Variants in DDX10 observed in about 807,000 individuals in gnomAD.
DDX10 encodes the protein DEAD-box helicase 10.
DDX10 carries 74 observed loss-of-function variants against 104.3 expected under a neutral mutation model. That is an observed-to-expected ratio of 0.71 (90% CI 0.59 to 0.86). The LOEUF is 0.86. Among genes scored for constraint, DDX10 ranks in the 40% least tolerant of loss-of-function variants. The pLI is 0.00. For synonymous variants in DDX10, 351 were observed against 353.4 expected (o/e 0.99, Z 0.08); for missense variants, 952 against 1,040.0 (o/e 0.92, Z 1.16).
chr11:108,891,897 A>G (rs2134640610), intron 16 of DDX10, among the ~76,000 whole-genome samples: 1 of 152,202 alleles, frequency 6.6e-6, no homozygotes, highest in East Asian at 1.9e-4. Flanking sequence ...TCCCCCTAAA[A>G]TTAGCAAAGA....
chr11:108,886,781 G>A (rs988779370), intron 16 of DDX10, among the ~76,000 whole-genome samples: 6 of 152,090 alleles, frequency 3.9e-5, no homozygotes, highest in Admixed American at 6.5e-5. Flanking sequence ...TTCTTGTGTC[G>A]TTGTTTTCCA....
chr11:108,721,958 C>T (rs2134475165), intron 12 of DDX10, among the ~76,000 whole-genome samples: 1 of 152,274 alleles, frequency 6.6e-6, no homozygotes, highest in African/African-American at 2.4e-5. Context: ...ATGGTGATGA[C>T]ATCAAGTTCT....
chr11:108,786,692 C>T (rs530283499), intron 13 of DDX10, among the ~76,000 whole-genome samples: 2 of 152,230 alleles, frequency 1.3e-5, no homozygotes, highest in South Asian at 2.1e-4. Flanking sequence ...CTTTATTTTC[C>T]ATTTGCATGA....
intron 17 of DDX10, among the ~76,000 whole-genome samples, chr11:108,932,475 TG>T (rs2134676391): frequency 6.6e-6 from 1 of 152,006 alleles, no homozygotes; most frequent in South Asian, 2.1e-4. Context: ...AATAATAAAA[TG>T]GGAACCACTT....
At chr11:108,780,071 T>C (rs2094376124) in intron 13 of DDX10, among the ~76,000 whole-genome samples, 1 of 152,152 alleles carries the variant, frequency 6.6e-6, no homozygotes, top group South Asian at 2.1e-4. Context: ...AACTATAAAG[T>C]TTTTAGAAAG....
intron 13 of DDX10, among the ~76,000 whole-genome samples, chr11:108,773,008 A>G (rs2094365273): frequency 6.6e-6 from 1 of 152,236 alleles, no homozygotes; most frequent in African/African-American, 2.4e-5. Flanking sequence ...GACCATGCAG[A>G]CTTCTGGAAA....
At chr11:108,676,636 G>A (rs530071015) in intron 3 of DDX10, among the ~76,000 whole-genome samples, 19 of 152,192 alleles carry the variant, frequency 1.2e-4, no homozygotes, top group Admixed American at 3.9e-4. Context: ...TGGTAAATAC[G>A]GGGTTTCATC....
chr11:108,848,622 G>C (rs1862750597), intron 15 of DDX10, among the ~76,000 whole-genome samples: 1 of 152,102 alleles, frequency 6.6e-6, no homozygotes, highest in Admixed American at 6.6e-5. Flanking sequence ...ATAACATCTA[G>C]TGACATTTAG....
intron 13 of DDX10, among the ~76,000 whole-genome samples, chr11:108,726,133 T>A (rs1031811942): frequency 3.9e-5 from 6 of 152,062 alleles, no homozygotes; most frequent in African/African-American, 1.4e-4. Flanking sequence ...TCTTGATTAG[T>A]GTAGCTTTAT....
intron 6 of DDX10, among the ~76,000 whole-genome samples, chr11:108,682,551 A>G (rs1343844830): frequency 6.6e-6 from 1 of 152,176 alleles, no homozygotes; most frequent in Non-Finnish European, 1.5e-5. Flanking sequence ...GCATATTTTT[A>G]ATCTGGTATG....
chr11:108,754,260 G>A (rs555416748), intron 13 of DDX10, among the ~76,000 whole-genome samples: 2 of 152,058 alleles, frequency 1.3e-5, no homozygotes, highest in South Asian at 2.1e-4. Flanking sequence ...TATGAGCTTC[G>A]CTTGCCCTCC....
chr11:108,692,608 T>C (rs556460684), intron 8 of DDX10, among the ~76,000 whole-genome samples: 53 of 152,352 alleles, frequency 3.5e-4, no homozygotes, highest in Admixed American at 1.1e-3. Context: ...TTAATTTTAT[T>C]GTATTGTTAA....
chr11:108,883,037 G>C (rs957481970), intron 16 of DDX10, among the ~76,000 whole-genome samples: 1 of 152,116 alleles, frequency 6.6e-6, no homozygotes, highest in African/African-American at 2.4e-5. Context: ...CTTTAAAGGA[G>C]CAGGAAAGGG....
chr11:108,924,609 A>T (rs879736936), intron 17 of DDX10, among the ~76,000 whole-genome samples: 9 of 152,126 alleles, frequency 5.9e-5, no homozygotes, highest in Admixed American at 3.9e-4. Context: ...TTTTGAGTGA[A>T]CTTGCCTGTC....
In DDX10 at chr11:108,723,410, T is replaced by G; in HGVS notation, c.1913T>G (p.Val638Gly). 1 of 1,613,880 alleles carries G rather than the reference T, an allele frequency of 6.2e-7. No individual in the cohort carries two copies. The highest frequency in any genetic ancestry group is 8.5e-7 in the Non-Finnish European group (1 of 1,179,866). Reference sequence around the variant, plus strand: ...GAAGAAGATGCTGATTTCTTGAAGGTGAAGCGGCATAATGTGTTTGGATTG... The same window carrying G: ...GAAGAAGATGCTGATTTCTTGAAGGGGAAGCGGCATAATGTGTTTGGATTG... ...EEEEDADFLK[V>G]KRHNVFGLDL... The change falls in exon 13 of 18, where the codon GTG (valine) becomes GGG (glycine). Residue 638 changes from valine to glycine, a missense_variant. Physicochemically the swap from Val to Gly is moderately radical, Grantham distance 109 (BLOSUM62 -3). Coordinates refer to ENST00000322536, the MANE Select transcript of DDX10 (RefSeq NM_004398.4).
intron 13 of DDX10, among the ~76,000 whole-genome samples, chr11:108,788,541 T>G (rs1394094566): frequency 6.6e-6 from 1 of 152,174 alleles, no homozygotes; most frequent in Admixed American, 6.5e-5. Flanking sequence ...TTTTGTATTT[T>G]TAGTAGAGAT....
Position 108,693,562 on chromosome 11 carries a change from T to C in DDX10, c.1185T>C (p.Asp395=), listed in dbSNP as rs370270676. The change falls in exon 9 of 18, where the codon GAT becomes GAC. Residue 395 remains aspartate, a synonymous_variant. Transcript: ENST00000322536. ...TTCTTCAGTTTGATTGTCCTGAGGA[T>C]GCCAACACATATATTCACAGAGCAG... is the stretch of plus-strand genomic sequence containing the variant. The part of the protein sequence containing the change: ...NWVLQFDCPE[D]ANTYIHRAGR... 1 of 1,614,166 alleles carries C rather than the reference T, an allele frequency of 6.2e-7. No individual in the cohort carries two copies. Among genetic ancestry groups the C allele is most frequent in the African/African-American group, 1.3e-5 (1 of 75,050 alleles).
intron 13 of DDX10, among the ~76,000 whole-genome samples, chr11:108,732,210 C>G (rs138123099): frequency 1.1e-4 from 16 of 152,210 alleles, no homozygotes; most frequent in African/African-American, 3.9e-4. Context: ...TGAACACTTT[C>G]TGCATAAGTT....
chr11:108,702,169 T>C (rs900069179), intron 9 of DDX10, among the ~76,000 whole-genome samples: 1 of 152,196 alleles, frequency 6.6e-6, no homozygotes, highest in African/African-American at 2.4e-5. Flanking sequence ...AAGATATAGG[T>C]CTTAAAAACA....
Sources: allele counts gnomAD v4.1 joint callset (sites outside exome capture counted in the v4.1 genomes callset), GRCh38; gene constraint gnomAD v4.1.1; transcripts MANE v1.5; gene names NCBI Gene and HGNC (gene_info 2026-07-23, HGNC 2026-07-21).